SHROOM4: variants seen among roughly 807,000 people sequenced by gnomAD.
SHROOM4 encodes the protein shroom family member 4, also known as protein Shroom4.
A neutral mutation model predicts 80.3 loss-of-function variants in SHROOM4; 17 were observed. That is an observed-to-expected ratio of 0.21 (90% CI 0.14 to 0.32). The LOEUF is 0.32. SHROOM4 is among the 10% of genes least tolerant of loss of function. The pLI, the probability that SHROOM4 is intolerant of heterozygous loss-of-function variation, is 1.00. For missense variants in SHROOM4, 993 were observed against 1,140.3 expected, an observed-to-expected ratio of 0.87 and a Z score of 1.86; for synonymous variants, 400 against 437.5, an observed-to-expected ratio of 0.91 and a Z score of 1.07.
intron 2 of SHROOM4, among the ~76,000 whole-genome samples, chrX:50,674,833 C>A (rs1932835647): frequency 9.0e-6 from 1 of 111,482 alleles, no homozygotes; most frequent in Non-Finnish European, 1.9e-5. Flanking sequence ...AAAATGCAGC[C>A]CCTGTCTTCA....
chrX:50,783,663 C>T lies in SHROOM4; in HGVS notation c.117+30239G>A, dbSNP rs1210246952. 8.1e-5 allele frequency among the ~76,000 whole-genome samples: 9 copies of T among 111,036 alleles called. No homozygotes were observed. The East Asian group carries it at 2.3e-3, about 28-fold the overall frequency. On this transcript the variant is annotated intron_variant, in intron 1 of 8. Transcript: ENST00000376020. The stretch of plus-strand genomic sequence containing the variant: ...TGATCTCAGCTCACTGCAACCTCCA[C>T]CTCCCAGGTTCAAGTGATTCTCCTG...
intron 1 of SHROOM4, among the ~76,000 whole-genome samples, chrX:50,803,861 G>GTTGA (rs201307916): frequency 1.9e-4 from 21 of 111,866 alleles, no homozygotes; most frequent in East Asian, 2.8e-4. Context: ...TAGTTGATCA[G>GTTGA]TTGATTGATT....
At chrX:50,759,837 T>C (rs1254954814) in intron 1 of SHROOM4, among the ~76,000 whole-genome samples, 1 of 112,144 alleles carries the variant, frequency 8.9e-6, no homozygotes, top group Non-Finnish European at 1.9e-5. Context: ...TAGGAGTATA[T>C]TGTTTAATTC....
chrX:50,661,214 G>GT (rs1932498784), intron 2 of SHROOM4, among the ~76,000 whole-genome samples: 2 of 110,826 alleles, frequency 1.8e-5, no homozygotes, highest in Non-Finnish European at 3.8e-5. Context: ...TTGGTTGGTT[G>GT]TTTTTTGTTT....
At position 50,589,139 on chromosome X, in the gene SHROOM4, T is replaced by C. The variant is rs1367359593; in HGVS notation, c.*7556A>G. ...GTCTTCCAGGTCTTCAAGGGGAAGG[T>C]TGTAATAGTAAAGTCACTCCCAAAT... On this transcript the variant is annotated 3_prime_UTR_variant, in exon 9 of 9. Transcript: ENST00000376020. 2.7e-5 allele frequency among the ~76,000 whole-genome samples: 3 copies of C among 111,300 alleles called. No individual in the cohort carries two copies. The highest frequency in any genetic ancestry group is 5.7e-5 in the Non-Finnish European group (3 of 53,042).
At chrX:50,807,887 G>A (rs1008292351) in intron 1 of SHROOM4, among the ~76,000 whole-genome samples, 21 of 111,774 alleles carry the variant, frequency 1.9e-4, no homozygotes, top group Admixed American at 1.7e-3. Flanking sequence ...TTGACACAGG[G>A]CCTTGGTATG....
intron 1 of SHROOM4, among the ~76,000 whole-genome samples, chrX:50,711,808 C>T (rs1023459611): frequency 8.9e-6 from 1 of 112,270 alleles, no homozygotes; most frequent in Admixed American, 9.4e-5. Context: ...CAGAAACACA[C>T]AAAAACAAGT....
intron 1 of SHROOM4, among the ~76,000 whole-genome samples, chrX:50,759,380 T>C (rs1292516332): frequency 8.9e-6 from 1 of 112,010 alleles, no homozygotes; most frequent in Non-Finnish European, 1.9e-5. Flanking sequence ...CACCTTGATC[T>C]TATACTTTCA....
chrX:50,781,858 A>G, intron 1 of SHROOM4, among the ~76,000 whole-genome samples: 1 of 111,713 alleles, frequency 9.0e-6, no homozygotes, highest in Non-Finnish European at 1.9e-5. Flanking sequence ...CATCTCAGGG[A>G]CAATAGCATC....
intron 2 of SHROOM4, among the ~76,000 whole-genome samples, chrX:50,677,147 C>A (rs1253724531): frequency 5.4e-5 from 6 of 111,460 alleles, no homozygotes; most frequent in Non-Finnish European, 1.1e-4. Context: ...CAATGGCCAA[C>A]ACAGTATGAA....
chrX:50,694,046 C>T (rs1200560336), intron 2 of SHROOM4, among the ~76,000 whole-genome samples: 3 of 111,664 alleles, frequency 2.7e-5, no homozygotes, highest in African/African-American at 9.8e-5. Context: ...GACAGGATTT[C>T]ATTCTTTTTA....
intron 6 of SHROOM4, among the ~76,000 whole-genome samples, chrX:50,603,889 C>T (rs185465572): frequency 8.9e-6 from 1 of 111,842 alleles, no homozygotes; most frequent in East Asian, 2.8e-4. Flanking sequence ...GTGGTTTATG[C>T]TAGGGGGTGG....
intron 2 of SHROOM4, among the ~76,000 whole-genome samples, chrX:50,652,969 G>C (rs1932163307): frequency 1.8e-5 from 2 of 111,563 alleles, no homozygotes; most frequent in African/African-American, 6.5e-5. Context: ...GGCTACTGTA[G>C]CCTTGTAGTA....
At position 50,595,119 on chromosome X, in the gene SHROOM4, T is replaced by C. The variant is rs1397760929; in HGVS notation, c.*1576A>G. The stretch of plus-strand genomic sequence containing the variant: ...GAAGAGATGCCAGGCCTTGGCTGGG[T>C]TGTGTGATACCAAGGATTGGCCCCA... On this transcript the variant is annotated 3_prime_UTR_variant, in exon 9 of 9. Transcript: ENST00000376020. 8.9e-6 allele frequency: 1 copy of C among 112,308 alleles called. No homozygotes were observed. The highest frequency in any genetic ancestry group is 1.9e-5 in the Non-Finnish European group (1 of 53,227). The allele number at this position is 112,308 out of a possible 1,213,427, so 9.3% of individuals were successfully genotyped here.
intron 7 of SHROOM4, among the ~76,000 whole-genome samples, chrX:50,601,233 G>A (rs782791414): frequency 1.5e-4 from 17 of 112,094 alleles, no homozygotes; most frequent in Non-Finnish European, 2.3e-4. Flanking sequence ...ACTTTCTGTC[G>A]TTCTGTGCTC....
intron 4 of SHROOM4, among the ~76,000 whole-genome samples, chrX:50,630,643 C>T (rs1931017530): frequency 9.0e-6 from 1 of 111,304 alleles, no homozygotes; most frequent in South Asian, 3.8e-4. Context: ...CCCATATACC[C>T]AGCACCTAGA....
intron 1 of SHROOM4, among the ~76,000 whole-genome samples, chrX:50,767,340 G>T (rs1198553619): frequency 9.0e-6 from 1 of 111,560 alleles, no homozygotes; most frequent in Non-Finnish European, 1.9e-5. Context: ...CATGTGTAAG[G>T]GTATCTGCCT....
In SHROOM4 at chrX:50,744,631, G is replaced by C. The variant is rs781911187; in HGVS notation, c.118-48694C>G. Among the ~76,000 whole-genome samples, 4 of 111,837 alleles carry C rather than the reference G, an allele frequency of 3.6e-5. No individual in the cohort carries two copies. The Admixed American group carries it at 3.8e-4, about 11-fold the overall frequency. ...AGGTGATTTATATTGCCTATTTCCT[G>C]TCCATGGTCACACTTAACTTATTTT... On this transcript the variant is annotated intron_variant, in intron 1 of 8. Coordinates refer to ENST00000376020, the MANE Select transcript of SHROOM4 (RefSeq NM_020717.5).
Position 50,746,726 on chromosome X carries a change from T to G in SHROOM4, c.118-50789A>C, listed in dbSNP as rs535649065. Among the ~76,000 whole-genome samples, 31 of 112,173 alleles carry G rather than the reference T, an allele frequency of 2.8e-4. 1 individual carries two copies. The South Asian group carries it at 7.1e-3, about 26-fold the overall frequency. On this transcript the variant is annotated intron_variant, in intron 1 of 8. Transcript: ENST00000376020. ...CAGCAAGGGCTATTAAGCAACCCAA[T>G]GTTTTCCCATTGTCCTTCACATGAA...
Sources: allele counts gnomAD v4.1 joint callset (sites outside exome capture counted in the v4.1 genomes callset), GRCh38; gene constraint gnomAD v4.1.1; transcripts MANE v1.5; gene names NCBI Gene and HGNC (gene_info 2026-07-23, HGNC 2026-07-21).